ASAP2: variants seen among roughly 807,000 people sequenced by gnomAD.
The protein encoded by ASAP2 is ArfGAP with SH3 domain, ankyrin repeat and PH domain 2.
ASAP2 carries 45 observed loss-of-function variants against 131.4 expected under a neutral mutation model. That is an observed-to-expected ratio of 0.34 (90% CI 0.27 to 0.44). The LOEUF (loss-of-function observed/expected upper bound fraction) is 0.44. Among genes scored for constraint, ASAP2 ranks in the 20% least tolerant of loss-of-function variants. The pLI, the probability that ASAP2 is intolerant of heterozygous loss-of-function variation, is 1.00. For synonymous variants in ASAP2, 510 were observed against 503.0 expected (o/e 1.01, Z -0.19); for missense variants, 1,011 against 1,297.0 (o/e 0.78, Z 3.39).
chr2:9,386,102 T>C (rs1675241086), intron 21 of ASAP2, among the ~76,000 whole-genome samples: 1 of 152,170 alleles, frequency 6.6e-6, no homozygotes, highest in African/African-American at 2.4e-5. Flanking sequence ...CTGTGCTGAA[T>C]TAGTGGCAAA....
At chr2:9,301,512 AC>A (rs1668470183) in intron 3 of ASAP2, among the ~76,000 whole-genome samples, 1 of 152,180 alleles carries the variant, frequency 6.6e-6, no homozygotes, top group Non-Finnish European at 1.5e-5. Context: ...TCCAAGGGCC[AC>A]CTCTGTGCTG....
chr2:9,399,950 C>T, intron 24 of ASAP2, 73 bp from the exon 25 acceptor site: 1 of 1,488,554 alleles, frequency 6.7e-7, no homozygotes, highest in Non-Finnish European at 9.4e-7. Flanking sequence ...AGAAGGTTCT[C>T]TGATAAAAGG....
chr2:9,327,562 T>A (rs1387491315), intron 6 of ASAP2, among the ~76,000 whole-genome samples: 3 of 152,146 alleles, frequency 2.0e-5, no homozygotes, highest in Non-Finnish European at 4.4e-5. Flanking sequence ...GAGTGAAGAT[T>A]TCTCCTAGCA....
At chr2:9,390,133 T>G (rs1026144468) in intron 22 of ASAP2, among the ~76,000 whole-genome samples, 7 of 152,218 alleles carry the variant, frequency 4.6e-5, no homozygotes, top group Admixed American at 3.9e-4. Flanking sequence ...TCCTTTTTCT[T>G]TTTGCCGTTC....
At position 9,328,072 on chromosome 2, in the gene ASAP2, C is replaced by T. The variant is rs114493018; in HGVS notation, c.686+161C>T. On this transcript the variant is annotated intron_variant, in intron 7 of 27. Transcript: ENST00000281419. ...ACAACACGGGTAAACATTGAGAACA[C>T]GTTCAATGAAGGAAGCCAGACACAA... is the stretch of plus-strand genomic sequence containing the variant. 2.8e-3 allele frequency among the ~76,000 whole-genome samples: 422 copies of T among 152,184 alleles called. 2 individuals are homozygous for T. Among genetic ancestry groups the T allele is most frequent in the African/African-American group, 9.6e-3 (400 of 41,516 alleles).
At chr2:9,375,693 T>G (rs1674350780) in intron 17 of ASAP2, among the ~76,000 whole-genome samples, 2 of 152,300 alleles carry the variant, frequency 1.3e-5, no homozygotes, top group South Asian at 4.1e-4. Context: ...ACACCAAAAA[T>G]GTAATGCCAG....
intron 26 of ASAP2, 110 bp from the exon 27 acceptor site, chr2:9,401,164 A>C (rs1676630675): frequency 7.1e-7 from 1 of 1,401,146 alleles, no homozygotes; most frequent in Non-Finnish European, 9.8e-7. Flanking sequence ...CAGGCTTCTC[A>C]GGCCTAGGTA....
At chr2:9,233,325 G>A (rs974167673) in intron 1 of ASAP2, among the ~76,000 whole-genome samples, 3 of 152,190 alleles carry the variant, frequency 2.0e-5, no homozygotes, top group African/African-American at 7.2e-5. Flanking sequence ...CAGAATGGAA[G>A]GTCCAGATGA....
chr2:9,231,748 G>A (rs1375299474), intron 1 of ASAP2, among the ~76,000 whole-genome samples: 1 of 152,130 alleles, frequency 6.6e-6, no homozygotes, highest in Non-Finnish European at 1.5e-5. Flanking sequence ...CTTGTGCCAT[G>A]CCTTCCTTTG....
chr2:9,266,623 C>A lies in ASAP2; in HGVS notation c.127-12694C>A, dbSNP rs965903780. On this transcript the variant is annotated intron_variant, in intron 1 of 27. Transcript: ENST00000281419. ...TCCTCTGCAGAGGTGTGAACTCTGC[C>A]ACCACCCCGTTCTAGTCAAGATGGG... 3.9e-5 allele frequency among the ~76,000 whole-genome samples: 6 copies of A among 152,232 alleles called. No homozygotes were observed. In the East Asian group the frequency reaches 1.2e-3, roughly 29 times the overall value.
At chr2:9,271,358 T>C in intron 1 of ASAP2, 2 of 1,214,576 alleles carry the variant, frequency 1.6e-6, no homozygotes, top group East Asian at 2.3e-5. Context: ...TAATATATGT[T>C]CTTGCACCTG....
At chr2:9,269,746 C>G (rs1666208499) in intron 1 of ASAP2, among the ~76,000 whole-genome samples, 1 of 152,160 alleles carries the variant, frequency 6.6e-6, no homozygotes. Flanking sequence ...GCCTGAGGAA[C>G]TGAATTTGAA....
At chr2:9,275,874 T>A (rs1465218673) in intron 1 of ASAP2, among the ~76,000 whole-genome samples, 2 of 152,180 alleles carry the variant, frequency 1.3e-5, no homozygotes, top group Non-Finnish European at 2.9e-5. Flanking sequence ...TTTGTTGATA[T>A]TTTCTATAAC....
At chr2:9,357,174 AT>A in intron 14 of ASAP2, among the ~76,000 whole-genome samples, 1 of 145,374 alleles carries the variant, frequency 6.9e-6, no homozygotes, top group Admixed American at 6.7e-5. Context: ...CCTTGGATCC[AT>A]TAAAAAAAAA....
chr2:9,360,865 C>G (rs150274818), intron 15 of ASAP2, among the ~76,000 whole-genome samples: 2 of 152,016 alleles, frequency 1.3e-5, no homozygotes, highest in Non-Finnish European at 2.9e-5. Flanking sequence ...TTGCAAAATT[C>G]CTGAAATTTT....
At chr2:9,208,587 G>A (rs1166623060) in intron 1 of ASAP2, among the ~76,000 whole-genome samples, 1 of 152,272 alleles carries the variant, frequency 6.6e-6, no homozygotes, top group East Asian at 1.9e-4. Context: ...AACTTGGGTA[G>A]CCTTCCTTCT....
chr2:9,318,111 G>A (rs79157769), intron 3 of ASAP2, among the ~76,000 whole-genome samples: 2 of 152,316 alleles, frequency 1.3e-5, no homozygotes, highest in South Asian at 2.1e-4. Context: ...ACTGGGGCCT[G>A]GGGCCCAGAG....
At chr2:9,301,818 A>ATG (rs1558310253) in intron 3 of ASAP2, among the ~76,000 whole-genome samples, 1 of 127,354 alleles carries the variant, frequency 7.9e-6, no homozygotes, top group Admixed American at 7.9e-5. Flanking sequence ...TGTATCCATC[A>ATG]TCTTTTTTTT....
chr2:9,270,170 A>C (rs1009017224), intron 1 of ASAP2, among the ~76,000 whole-genome samples: 1 of 152,214 alleles, frequency 6.6e-6, no homozygotes, highest in African/African-American at 2.4e-5. Flanking sequence ...AGGTCTGGCC[A>C]GGCGGCAGCT....
Sources: gnomAD v4.1 joint callset for allele counts (sites outside exome capture counted in the v4.1 genomes callset) on GRCh38, gnomAD v4.1.1 for gene constraint, MANE v1.5 for transcripts, NCBI Gene and HGNC (gene_info 2026-07-23, HGNC 2026-07-21) for gene names.